CSMD3: variants seen among roughly 807,000 people sequenced by gnomAD.
CSMD3 encodes the protein CUB and sushi domain-containing protein 3.
A neutral mutation model predicts 435.2 loss-of-function variants in CSMD3; 177 were observed. The observed-to-expected ratio is 0.41, with a 90% CI of 0.36 to 0.46. CSMD3 has a LOEUF of 0.46. CSMD3 is among the 20% of genes least tolerant of loss of function. The pLI is 0.34. For missense variants in CSMD3, 4,265 were observed against 4,504.6 expected, an observed-to-expected ratio of 0.95 and a Z score of 1.52; for synonymous variants, 1,656 against 1,520.5, an observed-to-expected ratio of 1.09 and a Z score of -2.07.
intron 3 of CSMD3, among the ~76,000 whole-genome samples, chr8:113,175,586 T>C (rs1217897489): frequency 6.6e-6 from 1 of 152,114 alleles, no homozygotes; most frequent in African/African-American, 2.4e-5. Flanking sequence ...TCTGTGAATT[T>C]TGAGCAACTT....
At position 112,455,702 on chromosome 8, in the gene CSMD3, G is replaced by C. The variant is rs527236448; in HGVS notation, c.5395+16889C>G. Among the ~76,000 whole-genome samples, 62 of 149,968 alleles carry C rather than the reference G, an allele frequency of 4.1e-4. 1 individual carries two copies. The highest frequency in any genetic ancestry group is 1.4e-3 in the African/African-American group (56 of 40,832). On this transcript the variant is annotated intron_variant, in intron 32 of 70. Coordinates refer to ENST00000297405, the MANE Select transcript of CSMD3 (RefSeq NM_198123.2). ...ATTTTCCTAGCATTTTTTTTTCAACGTGCTCATTTTACAGATGAGGAAACT... is the reference window on the plus strand; with the variant it reads ...ATTTTCCTAGCATTTTTTTTTCAACCTGCTCATTTTACAGATGAGGAAACT...
At chr8:112,666,641 C>T (rs768698876) in intron 16 of CSMD3, among the ~76,000 whole-genome samples, 5 of 152,092 alleles carry the variant, frequency 3.3e-5, no homozygotes, top group Non-Finnish European at 5.9e-5. Context: ...TTTAGCATGT[C>T]AGGTAATAAA....
intron 5 of CSMD3, among the ~76,000 whole-genome samples, chr8:113,036,291 C>T (rs945955260): frequency 1.3e-5 from 2 of 151,882 alleles, no homozygotes; most frequent in Non-Finnish European, 2.9e-5. Flanking sequence ...AAGTGTAATG[C>T]CTAACTTTTC....
At chr8:112,279,010 AAAAAACAACAAC>A (rs147535064) in intron 59 of CSMD3, among the ~76,000 whole-genome samples, 28,501 of 132,998 alleles carry the variant, frequency 0.21, 3,223 homozygotes, top group East Asian at 0.37. Context: ...CTCCACCCCC[AAAAAACAACAAC>A]AACAACAACA....
intron 9 of CSMD3, among the ~76,000 whole-genome samples, chr8:112,929,328 G>A (rs1037448606): frequency 1.3e-5 from 2 of 150,888 alleles, no homozygotes; most frequent in African/African-American, 4.9e-5. Flanking sequence ...GTATGCGTAT[G>A]TAACTAACCT....
chr8:113,198,030 T>A (rs1193493624), intron 3 of CSMD3, among the ~76,000 whole-genome samples: 1 of 151,486 alleles, frequency 6.6e-6, no homozygotes, highest in Admixed American at 6.6e-5. Context: ...AACCAATTAA[T>A]GTTGGGATAA....
chr8:112,228,713 C>T (rs781531530), intron 70 of CSMD3, 43 bp downstream of exon 70: 2 of 1,575,758 alleles, frequency 1.3e-6, no homozygotes, highest in Admixed American at 3.3e-5. Context: ...ACATGAAAAA[C>T]AGATTTGGGA....
chr8:112,920,639 A>C (rs1396031527), intron 10 of CSMD3, among the ~76,000 whole-genome samples: 2 of 151,812 alleles, frequency 1.3e-5, no homozygotes, highest in African/African-American at 4.8e-5. Context: ...TTTAAAGATG[A>C]TGATATTTAC....
At chr8:112,769,974 G>T (rs2078070990) in intron 13 of CSMD3, among the ~76,000 whole-genome samples, 1 of 151,960 alleles carries the variant, frequency 6.6e-6, no homozygotes, top group East Asian at 1.9e-4. Flanking sequence ...AATTAAATTA[G>T]ATTTCTACTA....
At chr8:113,175,092 A>G (rs2092328059) in intron 3 of CSMD3, among the ~76,000 whole-genome samples, 1 of 151,924 alleles carries the variant, frequency 6.6e-6, no homozygotes, top group Non-Finnish European at 1.5e-5. Flanking sequence ...TAATTCAAAT[A>G]ATTACAAACC....
intron 3 of CSMD3, among the ~76,000 whole-genome samples, chr8:113,212,677 G>C (rs1288329798): frequency 1.3e-5 from 2 of 151,312 alleles, no homozygotes; most frequent in Non-Finnish European, 2.9e-5. Flanking sequence ...TCATAGGTGG[G>C]AATTGAACAA....
At chr8:113,258,970 A>G (rs2132343644) in intron 3 of CSMD3, among the ~76,000 whole-genome samples, 1 of 152,244 alleles carries the variant, frequency 6.6e-6, no homozygotes. Context: ...GAAAATCCCA[A>G]TGTTTTTGGA....
At chr8:113,398,875 A>G (rs935204705) in intron 1 of CSMD3, among the ~76,000 whole-genome samples, 3 of 151,770 alleles carry the variant, frequency 2.0e-5, no homozygotes, top group African/African-American at 7.3e-5. Context: ...AGCCATGAAG[A>G]GTAAGTGGAA....
chr8:112,326,450 G>A (rs569806473), intron 45 of CSMD3, among the ~76,000 whole-genome samples: 2 of 152,264 alleles, frequency 1.3e-5, no homozygotes, highest in African/African-American at 4.8e-5. Context: ...ATCTGCTTCA[G>A]CTATCTCATC....
intron 38 of CSMD3, among the ~76,000 whole-genome samples, chr8:112,361,187 A>G (rs1827165596): frequency 1.3e-5 from 2 of 151,808 alleles, no homozygotes. Flanking sequence ...CATGAGTATA[A>G]ATTTTGTAAA....
intron 5 of CSMD3, among the ~76,000 whole-genome samples, chr8:113,038,768 C>T (rs2087469933): frequency 6.6e-6 from 1 of 152,138 alleles, no homozygotes. Context: ...AATATAAAAT[C>T]CCTCCCTCCC....
chr8:113,314,650 G>T lies in CSMD3; in HGVS notation c.322C>A (p.Gln108Lys). ...TATTCTTCTTCTAGAGCAAATGACTGAAAAACAATTTGTATTCTATTTCGT... is the reference window on the plus strand; with the variant it reads ...TATTCTTCTTCTAGAGCAAATGACTTAAAAACAATTTGTATTCTATTTCGT... The part of the protein sequence containing the change: ...EERNRIQIVF[Q>K]SFALEEEYDY... The change falls in exon 2 of 71, where the codon CAG (glutamine) becomes AAG (lysine). Residue 108 changes from glutamine (Q) to lysine (K), a missense_variant. Around this residue, in one of 3 missense-constraint regions of CSMD3, gnomAD observed 731 missense variants for 755.4 expected, o/e 0.97. Transcript: ENST00000297405. The T allele has an allele frequency of 6.2e-7, 1 of 1,611,250 alleles. No homozygotes were observed. The highest frequency in any genetic ancestry group is 1.1e-5 in the South Asian group (1 of 90,992).
chr8:112,809,372 C>A (rs1043708247), intron 12 of CSMD3, among the ~76,000 whole-genome samples: 4 of 152,082 alleles, frequency 2.6e-5, no homozygotes, highest in African/African-American at 7.2e-5. Context: ...GAAAGAAAAT[C>A]TCACGCAGAT....
chr8:113,010,654 C>T (rs912856042), intron 6 of CSMD3, among the ~76,000 whole-genome samples: 1 of 151,618 alleles, frequency 6.6e-6, no homozygotes, highest in Non-Finnish European at 1.5e-5. Flanking sequence ...GAGATCATAA[C>T]ATGAGGCTAT....
Sources: allele counts gnomAD v4.1 joint callset (sites outside exome capture counted in the v4.1 genomes callset), GRCh38; gene constraint gnomAD v4.1.1; regional missense constraint gnomAD v4.1.1; transcripts MANE v1.5; gene names NCBI Gene and HGNC (gene_info 2026-07-23, HGNC 2026-07-21).